Variants in AFF3 observed in about 807,000 individuals in gnomAD.
AFF3 encodes the protein ALF transcription elongation factor 3, also known as AF4/FMR2 family member 3.
A neutral mutation model predicts 129.7 loss-of-function variants in AFF3; 32 were observed. That is an observed-to-expected ratio of 0.25 (90% CI 0.19 to 0.33). The LOEUF is 0.33. Among genes scored for constraint, AFF3 ranks in the 10% least tolerant of loss-of-function variants. AFF3 has a pLI of 1.00. For synonymous variants in AFF3, 644 were observed against 635.4 expected, an observed-to-expected ratio of 1.01 and a Z score of -0.20; for missense variants, 1,373 against 1,592.0, an observed-to-expected ratio of 0.86 and a Z score of 2.34.
At chr2:99,683,218 G>A (rs1674694346) in intron 11 of AFF3, among the ~76,000 whole-genome samples, 1 of 152,140 alleles carries the variant, frequency 6.6e-6, no homozygotes, top group South Asian at 2.1e-4. Context: ...TGCTAGTTGT[G>A]TCCTTATGCA....
At chr2:99,926,551 G>A (rs1696254233) in intron 7 of AFF3, among the ~76,000 whole-genome samples, 1 of 152,148 alleles carries the variant, frequency 6.6e-6, no homozygotes, top group Non-Finnish European at 1.5e-5. Context: ...TTAGAATACG[G>A]ATTAGCTGTT....
At chr2:100,058,324 C>T (rs1028763491) in intron 4 of AFF3, among the ~76,000 whole-genome samples, 1 of 152,114 alleles carries the variant, frequency 6.6e-6, no homozygotes, top group Admixed American at 6.6e-5. Flanking sequence ...TTCAGACATA[C>T]CATGCTACGT....
chr2:99,819,799 T>C (rs1197019724), intron 8 of AFF3, among the ~76,000 whole-genome samples: 1 of 152,220 alleles, frequency 6.6e-6, no homozygotes, highest in African/African-American at 2.4e-5. Context: ...AAACCCACAC[T>C]GTGTGGTCAG....
intron 22 of AFF3, among the ~76,000 whole-genome samples, 200 bp downstream of exon 22, chr2:99,558,675 G>A (rs1407195439): frequency 6.6e-6 from 1 of 152,024 alleles, no homozygotes; most frequent in Non-Finnish European, 1.5e-5. Flanking sequence ...GGACAAGAAG[G>A]CAGGGAGATA....
Position 99,548,846 on chromosome 2 carries a change from C to G in AFF3, c.*2628G>C, listed in dbSNP as rs924493000. The G allele has an allele frequency of 1.3e-5, 3 of 232,770 alleles. No homozygotes were observed. The highest frequency in any genetic ancestry group is 2.5e-5 in the Non-Finnish European group (3 of 117,832). 14.4% of individuals were successfully genotyped at this position (232,770 alleles called of 1,614,324 possible). A position where few individuals can be genotyped will look rare whatever the true frequency, so the allele number is the denominator to read the frequency against. ...CAACAATTGGAGGATGGTTACTAAC[C>G]AAAATCACCCATGCCAAACCCCACA... On this transcript the variant is annotated 3_prime_UTR_variant, in exon 25 of 25. Transcript: ENST00000672756.
At chr2:99,987,343 C>A (rs1679964186) in intron 7 of AFF3, among the ~76,000 whole-genome samples, 1 of 152,182 alleles carries the variant, frequency 6.6e-6, no homozygotes, top group African/African-American at 2.4e-5. Flanking sequence ...AAGCACTCCA[C>A]AGATGAGTGT....
At chr2:99,991,807 G>T (rs963064897) in intron 7 of AFF3, among the ~76,000 whole-genome samples, 3 of 152,022 alleles carry the variant, frequency 2.0e-5, no homozygotes, top group African/African-American at 7.3e-5. Context: ...GGAGGCTGAG[G>T]CAGGAGAATT....
At chr2:99,752,383 G>A (rs1681728307) in intron 8 of AFF3, 82 bp from the exon 9 acceptor site, 2 of 1,212,320 alleles carry the variant, frequency 1.6e-6, no homozygotes, top group African/African-American at 3.0e-5. Flanking sequence ...CTGTACAAGT[G>A]GGCCTTCATA....
At chr2:99,932,831 C>A (rs755493495) in intron 7 of AFF3, among the ~76,000 whole-genome samples, 4 of 152,174 alleles carry the variant, frequency 2.6e-5, no homozygotes, top group Non-Finnish European at 5.9e-5. Context: ...TTCCACGTGA[C>A]CCCATAGACT....
chr2:99,643,622 C>A (rs1164565063), intron 13 of AFF3, among the ~76,000 whole-genome samples: 2 of 152,166 alleles, frequency 1.3e-5, no homozygotes, highest in Admixed American at 1.3e-4. Flanking sequence ...CACTTCTGTG[C>A]TGGTGGCCAC....
At chr2:99,795,345 A>T (rs1165580907) in intron 8 of AFF3, among the ~76,000 whole-genome samples, 2 of 152,080 alleles carry the variant, frequency 1.3e-5, no homozygotes, top group Non-Finnish European at 2.9e-5. Flanking sequence ...ATGTGCACAC[A>T]TGGACACAGT....
chr2:100,009,441 T>G (rs1372800317), intron 4 of AFF3, among the ~76,000 whole-genome samples: 2 of 152,112 alleles, frequency 1.3e-5, no homozygotes, highest in African/African-American at 2.4e-5. Flanking sequence ...GTTATGAGCC[T>G]TCTTCTGATC....
At chr2:99,911,614 A>G (rs143851718) in intron 7 of AFF3, among the ~76,000 whole-genome samples, 115 of 152,274 alleles carry the variant, frequency 7.6e-4, no homozygotes, top group African/African-American at 2.6e-3. Flanking sequence ...AAATGCAGGT[A>G]TTATGTATTA....
intron 7 of AFF3, among the ~76,000 whole-genome samples, chr2:99,964,660 A>C (rs1475352208): frequency 1.3e-5 from 2 of 152,220 alleles, no homozygotes; most frequent in Non-Finnish European, 2.9e-5. Flanking sequence ...AGAATGAGGA[A>C]CTTCTAAAGT....
chr2:100,123,386 A>G (rs370599911), intron 2 of AFF3, among the ~76,000 whole-genome samples: 10 of 152,138 alleles, frequency 6.6e-5, no homozygotes, highest in East Asian at 3.9e-4. Flanking sequence ...GCTCCTGGTG[A>G]CATGACTGTC....
intron 8 of AFF3, among the ~76,000 whole-genome samples, chr2:99,760,490 A>C (rs1682482323): frequency 1.3e-5 from 2 of 152,218 alleles, no homozygotes; most frequent in African/African-American, 2.4e-5. Context: ...AAGCAAAGGT[A>C]AAATTTATCA....
intron 7 of AFF3, among the ~76,000 whole-genome samples, chr2:99,884,467 C>T (rs964419836): frequency 3.9e-5 from 6 of 152,162 alleles, no homozygotes; most frequent in Middle Eastern, 3.2e-3. Flanking sequence ...GGCATGATCT[C>T]GGCTCACTGC....
At chr2:99,972,865 C>T (rs1466252578) in intron 7 of AFF3, among the ~76,000 whole-genome samples, 1 of 152,160 alleles carries the variant, frequency 6.6e-6, no homozygotes, top group Non-Finnish European at 1.5e-5. Flanking sequence ...CTCTTGGCTC[C>T]AGCTCTGCAG....
intron 7 of AFF3, among the ~76,000 whole-genome samples, chr2:99,871,195 A>T (rs1456873522): frequency 6.6e-6 from 1 of 152,226 alleles, no homozygotes; most frequent in Non-Finnish European, 1.5e-5. Context: ...CTCAGGAACC[A>T]TCCCCAAGAT....
Sources: allele counts gnomAD v4.1 joint callset (sites outside exome capture counted in the v4.1 genomes callset), GRCh38; gene constraint gnomAD v4.1.1; transcripts MANE v1.5; gene names NCBI Gene and HGNC (gene_info 2026-07-23, HGNC 2026-07-21).